SLCO2A1: variants seen among roughly 807,000 people sequenced by gnomAD.
SLCO2A1 encodes solute carrier organic anion transporter family member 2A1.
SLCO2A1 carries 60 observed loss-of-function variants against 71.7 expected under a neutral mutation model. The observed-to-expected ratio is 0.84, with a 90% confidence interval of 0.68 to 1.04. SLCO2A1 has a LOEUF of 1.04. Ranked by LOEUF, SLCO2A1 falls within the 50% of genes least tolerant of loss-of-function variation. The pLI is 0.00. For synonymous variants in SLCO2A1, 308 were observed against 326.7 expected, an observed-to-expected ratio of 0.94 and a Z score of 0.62; for missense variants, 745 against 813.4, an observed-to-expected ratio of 0.92 and a Z score of 1.02.
chr3:134,015,483 G>T, intron 1 of SLCO2A1, among the ~76,000 whole-genome samples: 1 of 152,126 alleles, frequency 6.6e-6, no homozygotes, highest in East Asian at 1.9e-4. Flanking sequence ...AAGGTACAAA[G>T]TTTCAGAGAG....
intron 1 of SLCO2A1, among the ~76,000 whole-genome samples, chr3:133,984,756 C>T (rs542311644): frequency 6.6e-5 from 10 of 152,290 alleles, no homozygotes; most frequent in East Asian, 5.8e-4. Flanking sequence ...TGGGTTGCAA[C>T]CTACCCTTCC....
At chr3:133,984,934 A>C (rs1184759829) in intron 1 of SLCO2A1, among the ~76,000 whole-genome samples, 1 of 152,138 alleles carries the variant, frequency 6.6e-6, no homozygotes. Flanking sequence ...CTATGATAAC[A>C]CCTGAGTTGT....
chr3:134,003,653 T>G (rs752772822), intron 1 of SLCO2A1, among the ~76,000 whole-genome samples: 1 of 152,226 alleles, frequency 6.6e-6, no homozygotes, highest in Non-Finnish European at 1.5e-5. Context: ...GCCCTTGGCC[T>G]GCTGCTGCCA....
intron 1 of SLCO2A1, among the ~76,000 whole-genome samples, chr3:133,991,064 C>A (rs977154727): frequency 6.6e-6 from 1 of 151,986 alleles, no homozygotes; most frequent in Non-Finnish European, 1.5e-5. Flanking sequence ...GAGCCAAGAT[C>A]GCACCACAGC....
intron 1 of SLCO2A1, among the ~76,000 whole-genome samples, chr3:133,994,725 C>T (rs1934928023): frequency 6.6e-6 from 1 of 152,228 alleles, no homozygotes; most frequent in Non-Finnish European, 1.5e-5. Flanking sequence ...TTACACATTT[C>T]AACTCTGACT....
intron 3 of SLCO2A1, among the ~76,000 whole-genome samples, chr3:133,967,615 T>A (rs1003701971): frequency 3.3e-5 from 5 of 150,338 alleles, no homozygotes; most frequent in African/African-American, 1.2e-4. Flanking sequence ...CCCATGTGTT[T>A]TGTGATTTTC....
chr3:133,950,215 T>C (rs1176739681), intron 6 of SLCO2A1, among the ~76,000 whole-genome samples: 4 of 152,240 alleles, frequency 2.6e-5, no homozygotes, highest in African/African-American at 7.2e-5. Context: ...AGCACCTGCA[T>C]GATGTGTAGC....
chr3:133,939,836 G>C (rs1319916385), intron 11 of SLCO2A1, among the ~76,000 whole-genome samples: 8 of 152,132 alleles, frequency 5.3e-5, no homozygotes. Context: ...CTGAATGAAA[G>C]CTGACCTTCT....
intron 2 of SLCO2A1, among the ~76,000 whole-genome samples, chr3:133,974,503 G>A (rs1485373645): frequency 6.6e-6 from 1 of 152,182 alleles, no homozygotes; most frequent in Non-Finnish European, 1.5e-5. Flanking sequence ...TTCTGCCCAA[G>A]CAGCTCTGCT....
intron 1 of SLCO2A1, among the ~76,000 whole-genome samples, chr3:134,010,557 G>A (rs372059241): frequency 6.6e-6 from 1 of 152,060 alleles, no homozygotes; most frequent in Non-Finnish European, 1.5e-5. Context: ...TTCAAGACCA[G>A]CCTGACCAAC....
intron 2 of SLCO2A1, among the ~76,000 whole-genome samples, chr3:133,977,920 A>C (rs979834738): frequency 9.9e-5 from 15 of 152,060 alleles, no homozygotes; most frequent in Non-Finnish European, 2.2e-4. Context: ...ATAGCAATAC[A>C]AGCAGACAGA....
intron 10 of SLCO2A1, among the ~76,000 whole-genome samples, chr3:133,942,973 G>T (rs1309003014): frequency 6.6e-6 from 1 of 152,130 alleles, no homozygotes; most frequent in Non-Finnish European, 1.5e-5. Context: ...CACTGTTTGG[G>T]CAACAGAAAC....
At chr3:133,993,170 C>A (rs1006788498) in intron 1 of SLCO2A1, among the ~76,000 whole-genome samples, 12 of 152,242 alleles carry the variant, frequency 7.9e-5, no homozygotes, top group African/African-American at 2.9e-4. Context: ...GCTCCCCCTC[C>A]CCAGGGAGTA....
chr3:133,974,443 A>G (rs1357053522), intron 2 of SLCO2A1, among the ~76,000 whole-genome samples: 6 of 152,222 alleles, frequency 3.9e-5, no homozygotes, highest in Admixed American at 3.9e-4. Flanking sequence ...CCTGACTCTA[A>G]AACACCAAGG....
At chr3:133,942,821 C>T in intron 10 of SLCO2A1, 53 bp from the exon 11 acceptor site, 1 of 1,549,012 alleles carries the variant, frequency 6.5e-7, no homozygotes, top group Non-Finnish European at 8.8e-7. Context: ...ATTTCACTTT[C>T]ACACACTTCA....
chr3:133,978,658 C>G (rs1934515166), intron 2 of SLCO2A1, among the ~76,000 whole-genome samples: 1 of 152,094 alleles, frequency 6.6e-6, no homozygotes, highest in African/African-American at 2.4e-5. Flanking sequence ...AGAGGAGCAA[C>G]CCGGCTCTGG....
At chr3:133,995,078 C>G (rs959405727) in intron 1 of SLCO2A1, among the ~76,000 whole-genome samples, 2 of 152,082 alleles carry the variant, frequency 1.3e-5, no homozygotes, top group Non-Finnish European at 2.9e-5. Context: ...TAGGTGCACC[C>G]GAGGGACTGG....
At position 133,984,476 on chromosome 3, in the gene SLCO2A1, G is replaced by A. The variant is rs553133638; in HGVS notation, c.97-4858C>T. Among the ~76,000 whole-genome samples the A allele has an allele frequency of 4.2e-4, 64 of 152,202 alleles. 1 individual carries two copies. Among genetic ancestry groups the A allele is most frequent in the African/African-American group, 1.4e-3 (60 of 41,566 alleles). ...ATGGCTGCAAGGTAGAAAAGGCAGGGAGAAAAGGCAGGGAAAAGGGAAGGA... is the reference window on the plus strand; with the variant it reads ...ATGGCTGCAAGGTAGAAAAGGCAGGAAGAAAAGGCAGGGAAAAGGGAAGGA... On this transcript the variant is annotated intron_variant, in intron 1 of 13. Coordinates refer to ENST00000310926, the MANE Select transcript of SLCO2A1 (RefSeq NM_005630.3).
intron 3 of SLCO2A1, 95 bp downstream of exon 3, chr3:133,973,568 G>A (rs928014043): frequency 6.1e-5 from 78 of 1,289,110 alleles, no homozygotes; most frequent in Middle Eastern, 5.4e-4. Flanking sequence ...CCCTCTTCCT[G>A]GAGTGGTATC....
Sources: allele counts gnomAD v4.1 joint callset (sites outside exome capture counted in the v4.1 genomes callset), GRCh38; gene constraint gnomAD v4.1.1; transcripts MANE v1.5; gene names NCBI Gene and HGNC (gene_info 2026-07-23, HGNC 2026-07-21).